FRMD4B: variants seen among roughly 807,000 people sequenced by gnomAD.
FRMD4B encodes FERM domain containing 4B, also known as FERM domain-containing protein 4B.
Under a neutral mutation model 141.5 loss-of-function variants are expected in FRMD4B, and 74 were observed. That is an observed-to-expected ratio of 0.52 (90% CI 0.43 to 0.63). The LOEUF is 0.63. Among genes scored for constraint, FRMD4B ranks in the 30% least tolerant of loss-of-function variants. The pLI is 0.00. For missense variants in FRMD4B, 1,366 were observed against 1,253.4 expected (o/e 1.09, Z -1.36); for synonymous variants, 506 against 467.9 (o/e 1.08, Z -1.05).
intron 1 of FRMD4B, among the ~76,000 whole-genome samples, chr3:69,362,878 G>A (rs1185541842): frequency 6.6e-6 from 1 of 151,294 alleles, no homozygotes; most frequent in Non-Finnish European, 1.5e-5. Context: ...TTTATTATAT[G>A]TTTCCTAAAA....
intron 7 of FRMD4B, among the ~76,000 whole-genome samples, chr3:69,248,490 G>A (rs1163947653): frequency 2.6e-5 from 4 of 152,200 alleles, no homozygotes; most frequent in Admixed American, 2.6e-4. Context: ...AGACTTGGCT[G>A]GGAATGAGTG....
At chr3:69,485,695 A>G (rs1498860) in intron 1 of FRMD4B, among the ~76,000 whole-genome samples, 92,967 of 152,094 alleles carry the variant, frequency 0.61, 29,096 homozygotes, top group African/African-American at 0.74. Flanking sequence ...CTGGGCCTGG[A>G]CCAGCATCCA....
chr3:69,309,991 A>G (rs1701524358), intron 3 of FRMD4B, among the ~76,000 whole-genome samples: 1 of 152,264 alleles, frequency 6.6e-6, no homozygotes, highest in Non-Finnish European at 1.5e-5. Flanking sequence ...GCATGTCGGC[A>G]TTTCCCATTT....
At chr3:69,477,640 A>G (rs1296171793) in intron 1 of FRMD4B, among the ~76,000 whole-genome samples, 8 of 152,096 alleles carry the variant, frequency 5.3e-5, no homozygotes, top group Non-Finnish European at 8.8e-5. Context: ...ATCAATGTTC[A>G]TCAAGGATAT....
intron 1 of FRMD4B, among the ~76,000 whole-genome samples, chr3:69,382,848 G>A (rs993587826): frequency 6.6e-6 from 1 of 151,712 alleles, no homozygotes; most frequent in Non-Finnish European, 1.5e-5. Context: ...ACCAGCTGAA[G>A]ATAAAGCCAA....
At chr3:69,388,360 G>T (rs564027089), upstream of FRMD4B, among the ~76,000 whole-genome samples, 41 of 152,284 alleles carry the variant, frequency 2.7e-4, no homozygotes, top group South Asian at 8.3e-3. Context: ...CTCTCAAAGT[G>T]TGGTCACTGG....
chr3:69,216,077 C>T (rs1185671789), intron 11 of FRMD4B, among the ~76,000 whole-genome samples, 186 bp downstream of exon 11: 1 of 152,034 alleles, frequency 6.6e-6, no homozygotes, highest in Non-Finnish European at 1.5e-5. Flanking sequence ...TCGCTTGAAC[C>T]CAGGAGGTGG....
chr3:69,296,579 C>T (rs556762366), intron 4 of FRMD4B, among the ~76,000 whole-genome samples: 1 of 152,220 alleles, frequency 6.6e-6, no homozygotes, highest in East Asian at 1.9e-4. Flanking sequence ...CATTCAGATG[C>T]GAGTGTGACA....
In FRMD4B at chr3:69,169,375, T is replaced by TTTTTTTC. The variant is rs1553691449; in HGVS notation, c.*2485_*2486insGAAAAAA. Among the ~76,000 whole-genome samples the TTTTTTTC allele has an allele frequency of 2.4e-5, 3 of 124,606 alleles. No homozygotes were observed. Among genetic ancestry groups the TTTTTTTC allele is most frequent in the African/African-American group, 2.9e-5 (1 of 34,328 alleles). The allele number at this position is 124,606 out of a possible 152,430, so 81.7% of individuals were successfully genotyped here. On this transcript the variant is annotated 3_prime_UTR_variant, in exon 23 of 23. Transcript: ENST00000398540. ...TTTCTTTTTTTTTTTTTTTTTTTTT[T>TTTTTTTC]CTTGAGACAAGGTCTGTTATTGCCT... is the stretch of plus-strand genomic sequence containing the variant.
At chr3:69,406,365 C>T (rs1474982428) in intron 2 of FRMD4B, among the ~76,000 whole-genome samples, 3 of 152,204 alleles carry the variant, frequency 2.0e-5, no homozygotes, top group South Asian at 4.1e-4. Flanking sequence ...AAGGCTCTAA[C>T]GAGACTTTCC....
chr3:69,361,569 G>C (rs1018632363), intron 1 of FRMD4B, among the ~76,000 whole-genome samples: 1 of 152,012 alleles, frequency 6.6e-6, no homozygotes, highest in Non-Finnish European at 1.5e-5. Context: ...TTTTCCTGTT[G>C]TAGAACTTCA....
At chr3:69,234,877 G>T (rs926062339) in intron 7 of FRMD4B, among the ~76,000 whole-genome samples, 1 of 152,072 alleles carries the variant, frequency 6.6e-6, no homozygotes, top group Non-Finnish European at 1.5e-5. Context: ...GGCTAGGTGT[G>T]GTGGCTCATG....
intron 1 of FRMD4B, among the ~76,000 whole-genome samples, chr3:69,376,274 G>C (rs978212281): frequency 8.5e-5 from 13 of 152,226 alleles, no homozygotes; most frequent in African/African-American, 3.1e-4. Context: ...AAACATGGCA[G>C]ATTATTTGTA....
At chr3:69,177,600 T>C (rs2092661000) in intron 21 of FRMD4B, among the ~76,000 whole-genome samples, 1 of 152,060 alleles carries the variant, frequency 6.6e-6, no homozygotes, top group Non-Finnish European at 1.5e-5. Flanking sequence ...CAGTGAGCCA[T>C]GTTTGCACCA....
At chr3:69,191,822 A>G (rs2092841387) in intron 17 of FRMD4B, among the ~76,000 whole-genome samples, 1 of 152,218 alleles carries the variant, frequency 6.6e-6, no homozygotes, top group Non-Finnish European at 1.5e-5. Flanking sequence ...TCCAGAAATT[A>G]ACCACCCCCA....
At chr3:69,535,437 T>C (rs1243279025) in intron 1 of FRMD4B, among the ~76,000 whole-genome samples, 1 of 148,100 alleles carries the variant, frequency 6.8e-6, no homozygotes, top group African/African-American at 2.4e-5. Context: ...CACAGGTGAA[T>C]TGGTAACCAT....
chr3:69,226,918 C>T (rs2093260056), intron 7 of FRMD4B, among the ~76,000 whole-genome samples: 2 of 152,120 alleles, frequency 1.3e-5, no homozygotes, highest in South Asian at 2.1e-4. Context: ...AGTCCTATGT[C>T]CCTCAAAGCA....
chr3:69,187,824 A>G lies in FRMD4B; in HGVS notation c.1865T>C (p.Ile622Thr). ...ATTGATGGACGACTTTCTGAAATGG[A>G]TTCGCTCAATACCAAGAGACTTGGG... Reference protein sequence around the residue: ...LPPKSLGIERIHFRKSSINEQ... With the variant: ...LPPKSLGIERTHFRKSSINEQ... The change falls in exon 19 of 23, where the codon ATC becomes ACC. Residue 622 changes from isoleucine to threonine, a missense_variant. Coordinates refer to ENST00000398540, the MANE Select transcript of FRMD4B (RefSeq NM_015123.3). 5 of 1,611,534 alleles carry G rather than the reference A, an allele frequency of 3.1e-6. No individual in the cohort carries two copies. The highest frequency in any genetic ancestry group is 1.7e-5 in the Admixed American group (1 of 59,918).
At chr3:69,274,773 C>A (rs1186250382) in intron 5 of FRMD4B, among the ~76,000 whole-genome samples, 1 of 152,176 alleles carries the variant, frequency 6.6e-6, no homozygotes, top group African/African-American at 2.4e-5. Context: ...CTTGCTTTAG[C>A]CTTCCAAAGT....
Sources: gnomAD v4.1 joint callset for allele counts (sites outside exome capture counted in the v4.1 genomes callset) on GRCh38, gnomAD v4.1.1 for gene constraint, MANE v1.5 for transcripts, NCBI Gene and HGNC (gene_info 2026-07-23, HGNC 2026-07-21) for gene names.